Variants in OSBP2 observed in about 807,000 individuals in gnomAD.
The protein encoded by OSBP2 is oxysterol binding protein 2, also known as oxysterol-binding protein 2.
Under a neutral mutation model 96.0 loss-of-function variants are expected in OSBP2, and 66 were observed. The observed-to-expected ratio is 0.69, with a 90% confidence interval of 0.56 to 0.84. OSBP2 has a LOEUF of 0.84. Among genes scored for constraint, OSBP2 ranks in the 40% least tolerant of loss-of-function variants. The probability of loss-of-function intolerance (pLI) is 0.00; values close to 1 mark genes in which losing one functional copy is unlikely to be tolerated. For synonymous variants in OSBP2, 525 were observed against 520.9 expected (o/e 1.01, Z -0.11); for missense variants, 1,038 against 1,222.7 (o/e 0.85, Z 2.25).
intron 12 of OSBP2, among the ~76,000 whole-genome samples, chr22:30,900,222 C>G (rs2040166340): frequency 6.6e-6 from 1 of 151,586 alleles, no homozygotes; most frequent in South Asian, 2.1e-4. Context: ...CCATTGCACT[C>G]CAGCCTGGGC....
intron 1 of OSBP2, among the ~76,000 whole-genome samples, chr22:30,739,933 C>T (rs925606528): frequency 1.3e-5 from 2 of 151,986 alleles, no homozygotes; most frequent in African/African-American, 2.4e-5. Context: ...TCTGCCTCCC[C>T]GGTCCTGGTT....
In OSBP2 at chr22:30,893,900, G is replaced by C; in HGVS notation, c.2274G>C (p.Lys758Asn). The part of the protein sequence containing the change: ...GSWDEQMECS[K>N]VMHSSPSSPS... Reference sequence around the variant, plus strand: ...GGGATGAACAAATGGAGTGCTCCAAGGTCATGCATAGCAGTCCCAGCAGCC... The same window carrying C: ...GGGATGAACAAATGGAGTGCTCCAACGTCATGCATAGCAGTCCCAGCAGCC... Residue 758 changes from lysine (K) to asparagine (N), a missense_variant, in exon 12 of 14, where the codon AAG becomes AAC. Lys to Asn is a moderately conservative substitution (Grantham distance 94). This residue lies in a region of OSBP2 where 737 missense variants were observed against 913.3 expected (regional missense o/e 0.81). Transcript: ENST00000332585. 6.3e-7 allele frequency: 1 copy of C among 1,588,542 alleles called. No homozygotes were observed. Among genetic ancestry groups the C allele is most frequent in the Non-Finnish European group, 8.6e-7 (1 of 1,167,414 alleles).
intron 2 of OSBP2, among the ~76,000 whole-genome samples, chr22:30,818,156 C>G (rs1164379764): frequency 6.6e-6 from 1 of 152,174 alleles, no homozygotes; most frequent in Non-Finnish European, 1.5e-5. Flanking sequence ...TCTCGGCCTC[C>G]CAAAGTGCTG....
chr22:30,844,164 C>A (rs530763464), intron 2 of OSBP2, among the ~76,000 whole-genome samples: 4 of 152,258 alleles, frequency 2.6e-5, no homozygotes, highest in South Asian at 2.1e-4. Context: ...CATGAGCCAC[C>A]GCGCCTGGCC....
intron 1 of OSBP2, among the ~76,000 whole-genome samples, chr22:30,710,581 A>G (rs1366929352): frequency 6.7e-6 from 1 of 149,164 alleles, no homozygotes; most frequent in East Asian, 1.9e-4. Context: ...AACATGTTCC[A>G]GGCTCTTCTT....
At chr22:30,709,114 A>C in intron 1 of OSBP2, among the ~76,000 whole-genome samples, 1 of 152,056 alleles carries the variant, frequency 6.6e-6, no homozygotes. Flanking sequence ...AATAATAATA[A>C]TAAAATAAAT....
intron 1 of OSBP2, among the ~76,000 whole-genome samples, chr22:30,719,068 T>C (rs1185023013): frequency 6.6e-6 from 1 of 152,226 alleles, no homozygotes; most frequent in African/African-American, 2.4e-5. Context: ...CTTTGCCTTC[T>C]AGAGACGGGA....
intron 2 of OSBP2, among the ~76,000 whole-genome samples, chr22:30,857,021 T>A (rs1177493468): frequency 6.6e-6 from 1 of 152,210 alleles, no homozygotes; most frequent in Admixed American, 6.5e-5. Flanking sequence ...ACTTCCTTCC[T>A]GAATGTGGAC....
rs117678677 is a variant in OSBP2, at chr22:30,731,843, G to A, written c.645-9318G>A. On this transcript the variant is annotated intron_variant, in intron 1 of 13. Coordinates refer to ENST00000332585, the MANE Select transcript of OSBP2 (RefSeq NM_030758.4). ...AAGGTCATCTGCTGCTGCTGTGGCCGGTCCTGGTGTGCTCATTGTTACTCA... is the reference window on the plus strand; with the variant it reads ...AAGGTCATCTGCTGCTGCTGTGGCCAGTCCTGGTGTGCTCATTGTTACTCA... 4.9e-4 allele frequency among the ~76,000 whole-genome samples: 74 copies of A among 152,280 alleles called. 2 individuals are homozygous for A. In the East Asian group the frequency reaches 0.013, roughly 26 times the overall value.
chr22:30,760,564 C>G (rs2090194136), intron 2 of OSBP2, among the ~76,000 whole-genome samples: 1 of 151,980 alleles, frequency 6.6e-6, no homozygotes, highest in African/African-American at 2.4e-5. Context: ...ACCTGTAATC[C>G]CAGCACTTTG....
intron 3 of OSBP2, among the ~76,000 whole-genome samples, chr22:30,885,905 C>G (rs2039799722): frequency 6.6e-6 from 1 of 152,212 alleles, no homozygotes; most frequent in Non-Finnish European, 1.5e-5. Flanking sequence ...GTGCTGGTTG[C>G]TGGGCGGGCT....
At chr22:30,763,017 A>C (rs969073116) in intron 2 of OSBP2, among the ~76,000 whole-genome samples, 2 of 152,212 alleles carry the variant, frequency 1.3e-5, no homozygotes, top group African/African-American at 4.8e-5. Context: ...CGTGGCTCCC[A>C]CACTTACCCA....
intron 2 of OSBP2, among the ~76,000 whole-genome samples, chr22:30,773,607 G>A (rs547854006): frequency 2.6e-5 from 4 of 152,242 alleles, no homozygotes; most frequent in African/African-American, 9.6e-5. Context: ...TTATTTGTTG[G>A]AGGAATGGGG....
intron 1 of OSBP2, among the ~76,000 whole-genome samples, chr22:30,698,452 T>C (rs2089092326): frequency 6.6e-6 from 1 of 151,606 alleles, no homozygotes; most frequent in African/African-American, 2.4e-5. Context: ...TCTTTTTTTT[T>C]TTTTTGAGAC....
chr22:30,875,982 C>T (rs111943972), intron 3 of OSBP2, among the ~76,000 whole-genome samples: 9 of 152,216 alleles, frequency 5.9e-5, no homozygotes, highest in Admixed American at 1.3e-4. Flanking sequence ...GACCCAGGGC[C>T]GCCAGCTCAC....
chr22:30,850,465 G>C (rs2079220), intron 2 of OSBP2, among the ~76,000 whole-genome samples: 113,567 of 151,982 alleles, frequency 0.75, 43,329 homozygotes, highest in African/African-American at 0.89. Flanking sequence ...AGTCCTCCAG[G>C]TTTGTTCTTG....
chr22:30,718,692 T>C (rs973599183), intron 1 of OSBP2, among the ~76,000 whole-genome samples: 3 of 152,220 alleles, frequency 2.0e-5, no homozygotes, highest in African/African-American at 7.2e-5. Flanking sequence ...CTGTTGGAGT[T>C]GCAACTTTAC....
At chr22:30,898,532 C>G (rs532659675) in intron 12 of OSBP2, among the ~76,000 whole-genome samples, 1 of 151,946 alleles carries the variant, frequency 6.6e-6, no homozygotes, top group Non-Finnish European at 1.5e-5. Context: ...TCAATCATGG[C>G]GTAAGGTGAA....
chr22:30,895,220 G>A (rs940337397), intron 12 of OSBP2, among the ~76,000 whole-genome samples: 5 of 151,744 alleles, frequency 3.3e-5, no homozygotes, highest in African/African-American at 4.8e-5. Flanking sequence ...TAGGGTAACC[G>A]CTAAAATAAC....
Sources: allele counts gnomAD v4.1 joint callset (sites outside exome capture counted in the v4.1 genomes callset), GRCh38; gene constraint gnomAD v4.1.1; regional missense constraint gnomAD v4.1.1; transcripts MANE v1.5; gene names NCBI Gene and HGNC (gene_info 2026-07-23, HGNC 2026-07-21).